The following TBC1D22A variants were observed in gnomAD, a reference collection of about 807,000 sequenced individuals.
TBC1D22A encodes putative GTPase activator.
A neutral mutation model predicts 60.2 loss-of-function variants in TBC1D22A; 38 were observed. That is an observed-to-expected ratio of 0.63 (90% confidence interval 0.49 to 0.83). The LOEUF is 0.83. TBC1D22A is among the 40% of genes least tolerant of loss of function. The pLI, the probability that TBC1D22A is intolerant of heterozygous loss-of-function variation, is 0.00. For missense variants in TBC1D22A, 628 were observed against 701.0 expected (o/e 0.90, Z 1.18); for synonymous variants, 302 against 281.7 (o/e 1.07, Z -0.72).
chr22:46,820,632 G>T (rs935381836), intron 4 of TBC1D22A, among the ~76,000 whole-genome samples: 1 of 152,208 alleles, frequency 6.6e-6, no homozygotes, highest in East Asian at 1.9e-4. Context: ...ATTTGCTGAG[G>T]AGTGTTTTAC....
intron 11 of TBC1D22A, among the ~76,000 whole-genome samples, chr22:47,040,460 G>C (rs1358878934): frequency 6.6e-6 from 1 of 152,122 alleles, no homozygotes; most frequent in African/African-American, 2.4e-5. Context: ...GAGAGCAGGT[G>C]CATGGGGGTG....
chr22:46,991,451 A>T (rs1380411520), intron 9 of TBC1D22A, among the ~76,000 whole-genome samples: 2 of 152,204 alleles, frequency 1.3e-5, no homozygotes, highest in Non-Finnish European at 2.9e-5. Context: ...CCAGCCGGGA[A>T]CCAATCAAAT....
At chr22:46,922,266 C>G (rs1367841747) in intron 8 of TBC1D22A, among the ~76,000 whole-genome samples, 1 of 152,106 alleles carries the variant, frequency 6.6e-6, no homozygotes, top group Non-Finnish European at 1.5e-5. Context: ...GTTATTGTGC[C>G]ATGTTACCAG....
intron 12 of TBC1D22A, among the ~76,000 whole-genome samples, chr22:47,137,735 C>T (rs1490024104): frequency 3.3e-5 from 5 of 152,120 alleles, no homozygotes; most frequent in African/African-American, 9.7e-5. Flanking sequence ...GAAGGGTGGG[C>T]GCAAGTGGGA....
At chr22:46,958,885 C>G (rs759991441) in intron 8 of TBC1D22A, among the ~76,000 whole-genome samples, 11 of 152,242 alleles carry the variant, frequency 7.2e-5, no homozygotes, top group Non-Finnish European at 1.3e-4. Context: ...GCAGCCTTCT[C>G]ATTGTCTGAG....
chr22:46,915,952 TG>T (rs889551671), intron 8 of TBC1D22A: 2 of 443,734 alleles, frequency 4.5e-6, no homozygotes, highest in African/African-American at 4.0e-5. Flanking sequence ...TTACGTTCTT[TG>T]ACTTGGAAAG....
At chr22:47,039,962 T>TTG (rs2062785222) in intron 11 of TBC1D22A, among the ~76,000 whole-genome samples, 1 of 129,684 alleles carries the variant, frequency 7.7e-6, no homozygotes, top group Admixed American at 8.3e-5. Context: ...TTTTTTTTTT[T>TTG]GAGACAGAGT....
intron 12 of TBC1D22A, among the ~76,000 whole-genome samples, chr22:47,155,502 A>G (rs2067678043): frequency 6.6e-6 from 1 of 152,136 alleles, no homozygotes; most frequent in African/African-American, 2.4e-5. Context: ...TGGGAGTGGG[A>G]GAGAGGGAGG....
intron 10 of TBC1D22A, among the ~76,000 whole-genome samples, chr22:47,023,076 C>G (rs957725644): frequency 5.3e-5 from 8 of 152,120 alleles, no homozygotes; most frequent in African/African-American, 1.9e-4. Flanking sequence ...AGATGTTAGA[C>G]TCGTTAGTTA....
chr22:46,807,096 T>G (rs1225742095), intron 4 of TBC1D22A, among the ~76,000 whole-genome samples: 1 of 152,232 alleles, frequency 6.6e-6, no homozygotes, highest in African/African-American at 2.4e-5. Flanking sequence ...GTAGACACTT[T>G]ACAGGCGAAG....
chr22:46,815,693 T>C (rs1042449588), intron 4 of TBC1D22A, among the ~76,000 whole-genome samples: 2 of 152,152 alleles, frequency 1.3e-5, no homozygotes, highest in Non-Finnish European at 2.9e-5. Flanking sequence ...GATACAAAGA[T>C]GTATTTGTGA....
At chr22:47,048,918 T>G (rs1219549082) in intron 11 of TBC1D22A, among the ~76,000 whole-genome samples, 1 of 152,212 alleles carries the variant, frequency 6.6e-6, no homozygotes, top group Non-Finnish European at 1.5e-5. Flanking sequence ...TCTTTTAAGG[T>G]CTGGTGTAGC....
In TBC1D22A at chr22:47,029,225, C is replaced by G. The variant is rs796501285; in HGVS notation, c.1202-7846C>G. Reference sequence around the variant, plus strand: ...GGACACAGCGCTTCCATACCCCTTCCCATGGGCCCAGGGACACAGCGCTTC... The same window carrying G: ...GGACACAGCGCTTCCATACCCCTTCGCATGGGCCCAGGGACACAGCGCTTC... On this transcript the variant is annotated intron_variant, in intron 10 of 12. Transcript: ENST00000337137. Among the ~76,000 whole-genome samples the G allele has an allele frequency of 2.7e-4, 40 of 148,376 alleles. 1 individual carries two copies. The highest frequency in any genetic ancestry group is 1.0e-3 in the African/African-American group (40 of 40,008).
At chr22:46,969,922 G>A (rs551885946) in intron 8 of TBC1D22A, among the ~76,000 whole-genome samples, 3 of 152,266 alleles carry the variant, frequency 2.0e-5, no homozygotes, top group South Asian at 4.1e-4. Flanking sequence ...AGATGGAAAC[G>A]CGCTGGTTTA....
chr22:47,056,652 G>GA (rs941071230), intron 11 of TBC1D22A, among the ~76,000 whole-genome samples: 3 of 151,998 alleles, frequency 2.0e-5, no homozygotes, highest in Non-Finnish European at 4.4e-5. Flanking sequence ...GGGTCTTAAG[G>GA]ACACAGATGT....
At chr22:46,917,367 G>A (rs541697242) in intron 8 of TBC1D22A, among the ~76,000 whole-genome samples, 56 of 152,308 alleles carry the variant, frequency 3.7e-4, no homozygotes, top group South Asian at 2.7e-3. Context: ...CAGGAGACTC[G>A]CTGACGGAGG....
chr22:47,154,701 G>C (rs770867974), intron 12 of TBC1D22A, among the ~76,000 whole-genome samples: 1 of 152,240 alleles, frequency 6.6e-6, no homozygotes, highest in South Asian at 2.1e-4. Context: ...GTTAGGCAGG[G>C]AGTGATGGCG....
chr22:46,865,734 T>G (rs1484255419), intron 4 of TBC1D22A, among the ~76,000 whole-genome samples: 1 of 152,192 alleles, frequency 6.6e-6, no homozygotes, highest in Non-Finnish European at 1.5e-5. Context: ...GTTCCCCCAA[T>G]GCCCCCCCAT....
chr22:46,780,136 A>G (rs2083876498), intron 1 of TBC1D22A, among the ~76,000 whole-genome samples: 1 of 152,230 alleles, frequency 6.6e-6, no homozygotes, highest in Non-Finnish European at 1.5e-5. Flanking sequence ...TGAGTGGTAA[A>G]TTCAGTTGCC....
Sources: gnomAD v4.1 joint callset for allele counts (sites outside exome capture counted in the v4.1 genomes callset) on GRCh38, gnomAD v4.1.1 for gene constraint, MANE v1.5 for transcripts, NCBI Gene and HGNC (gene_info 2026-07-23, HGNC 2026-07-21) for gene names.